The following EPB41 variants were observed in gnomAD, a reference collection of about 807,000 sequenced individuals.
The protein encoded by EPB41 is protein 4.1.
EPB41 carries 65 observed loss-of-function variants against 108.0 expected under a neutral mutation model. The ratio of observed to expected loss-of-function variants is 0.60; its 90% CI spans 0.49 to 0.74. EPB41 has a LOEUF of 0.74. Among genes scored for constraint, EPB41 ranks in the 30% least tolerant of loss-of-function variants. EPB41 has a pLI of 0.00. For missense variants in EPB41, 875 were observed against 1,037.0 expected, an observed-to-expected ratio of 0.84 and a Z score of 2.15; for synonymous variants, 336 against 358.9, an observed-to-expected ratio of 0.94 and a Z score of 0.72.
intron 1 of EPB41, among the ~76,000 whole-genome samples, chr1:28,923,779 A>G (rs907985963): frequency 3.3e-5 from 5 of 152,236 alleles, no homozygotes; most frequent in Non-Finnish European, 4.4e-5. Context: ...ATCATATTTA[A>G]ATAAATATAC....
chr1:28,971,812 A>G (rs1241369480), intron 1 of EPB41, among the ~76,000 whole-genome samples: 7 of 152,212 alleles, frequency 4.6e-5, no homozygotes, highest in African/African-American at 7.2e-5. Flanking sequence ...CGACTCAATT[A>G]TGGTCTATAG....
In EPB41 at chr1:29,115,187, G is replaced by T. The variant is rs1670493640; in HGVS notation, c.2497-512G>T. ...CCAGGTGGATCATTTGAGGTCAGGAGTTCGAGACCAGTCTGGCCAACATGG... is the reference window on the plus strand; with the variant it reads ...CCAGGTGGATCATTTGAGGTCAGGATTTCGAGACCAGTCTGGCCAACATGG... On this transcript the variant is annotated intron_variant, in intron 19 of 20. Transcript: ENST00000343067. This position sits in a 1 kb window ranked among gnomAD's most constrained non-coding sequence, Gnocchi z 4.4. 6.6e-6 allele frequency among the ~76,000 whole-genome samples: 1 copy of T among 152,188 alleles called. No homozygotes were observed. The highest frequency in any genetic ancestry group is 1.5e-5 in the Non-Finnish European group (1 of 68,048).
chr1:29,012,892 C>G (rs2096526829), intron 5 of EPB41, among the ~76,000 whole-genome samples: 1 of 152,098 alleles, frequency 6.6e-6, no homozygotes, highest in South Asian at 2.1e-4. Context: ...AACAAATATT[C>G]AGAATATTTG....
chr1:28,925,312 A>T (rs2093383561), intron 1 of EPB41, among the ~76,000 whole-genome samples: 1 of 151,384 alleles, frequency 6.6e-6, no homozygotes, highest in Non-Finnish European at 1.5e-5. Context: ...GGGTCTCCAT[A>T]TGTTGCCCAT....
intron 16 of EPB41, among the ~76,000 whole-genome samples, chr1:29,095,787 A>T (rs1361604672): frequency 6.6e-6 from 1 of 152,118 alleles, no homozygotes; most frequent in Non-Finnish European, 1.5e-5. Flanking sequence ...AAAAAAAAGA[A>T]TATATTTTGA....
chr1:29,079,979 AG>A (rs1156721998), intron 16 of EPB41, among the ~76,000 whole-genome samples: 2 of 152,068 alleles, frequency 1.3e-5, no homozygotes, highest in African/African-American at 4.8e-5. Context: ...CTGGGCGACA[AG>A]AGCAAAACTC....
At chr1:29,032,111 A>AG (rs1169091559) in intron 8 of EPB41, among the ~76,000 whole-genome samples, 18 of 151,836 alleles carry the variant, frequency 1.2e-4, no homozygotes, top group East Asian at 1.2e-3. Context: ...AAAAAAAAAA[A>AG]AAAAGAAAAA....
At chr1:29,036,019 A>G (rs991741042) in intron 10 of EPB41, 96 bp downstream of exon 10, 3 of 893,336 alleles carry the variant, frequency 3.4e-6, no homozygotes, top group Non-Finnish European at 3.6e-6. Context: ...TATGACTGGC[A>G]CTCTTTTATT....
At chr1:28,994,633 T>TTTATTTA (rs1553224687) in intron 3 of EPB41, among the ~76,000 whole-genome samples, 3 of 139,794 alleles carry the variant, frequency 2.1e-5, no homozygotes, top group South Asian at 4.7e-4. Flanking sequence ...GAACAAACTA[T>TTTATTTA]TTTATTTATT....
intron 1 of EPB41, among the ~76,000 whole-genome samples, chr1:28,961,872 G>A (rs529622225): frequency 6.6e-6 from 1 of 152,056 alleles, no homozygotes; most frequent in South Asian, 2.1e-4. Flanking sequence ...CTTTTGTGAG[G>A]AGAGCAAACT....
intron 11 of EPB41, 81 bp from the exon 12 acceptor site, chr1:29,053,023 C>A: frequency 6.8e-7 from 1 of 1,472,210 alleles, no homozygotes; most frequent in Non-Finnish European, 9.4e-7. Context: ...CCTGGATTCA[C>A]AATTATTTTG....
chr1:29,053,406 C>T, intron 12 of EPB41, 94 bp downstream of exon 12: 2 of 1,238,150 alleles, frequency 1.6e-6, no homozygotes, highest in African/African-American at 1.5e-5. Context: ...ATTGCTTATT[C>T]TCATAGACTC....
intron 1 of EPB41, among the ~76,000 whole-genome samples, chr1:28,963,294 A>G (rs897789254): frequency 4.6e-5 from 7 of 151,866 alleles, no homozygotes; most frequent in African/African-American, 1.7e-4. Flanking sequence ...ATGCCATTGG[A>G]TCTGGAAAGC....
intron 1 of EPB41, among the ~76,000 whole-genome samples, chr1:28,978,739 C>T (rs865955947): frequency 1.3e-5 from 2 of 151,398 alleles, no homozygotes; most frequent in East Asian, 1.9e-4. Flanking sequence ...AGAGAAGACA[C>T]GTGTCTCTGA....
At chr1:28,909,774 G>T (rs2147993407), upstream of EPB41, among the ~76,000 whole-genome samples, 1 of 152,110 alleles carries the variant, frequency 6.6e-6, no homozygotes, top group Non-Finnish European at 1.5e-5. Flanking sequence ...TCCAGCTTGG[G>T]TGACAGAGTG....
chr1:29,094,695 T>C (rs1221509250), intron 16 of EPB41, among the ~76,000 whole-genome samples: 1 of 152,220 alleles, frequency 6.6e-6, no homozygotes, highest in Admixed American at 6.5e-5. Context: ...AAATGACTAA[T>C]TCATTTCCTA....
intron 15 of EPB41, among the ~76,000 whole-genome samples, chr1:29,064,415 G>GTTT (rs1255020810): frequency 6.6e-6 from 1 of 152,112 alleles, no homozygotes; most frequent in Non-Finnish European, 1.5e-5. Flanking sequence ...GGCTATTCTT[G>GTTT]TTTTTTAAAA....
intron 1 of EPB41, among the ~76,000 whole-genome samples, chr1:28,986,984 G>A (rs758497502): frequency 2.0e-4 from 31 of 152,274 alleles, no homozygotes; most frequent in Non-Finnish European, 2.9e-4. Context: ...AAGACTGGGG[G>A]AACTTTTAAA....
At chr1:28,994,633 T>TTTTATTCA (rs2096118471) in intron 3 of EPB41, among the ~76,000 whole-genome samples, 1 of 139,794 alleles carries the variant, frequency 7.2e-6, no homozygotes, top group Admixed American at 7.3e-5. Context: ...GAACAAACTA[T>TTTTATTCA]TTTATTTATT....
Sources: allele counts gnomAD v4.1 joint callset (sites outside exome capture counted in the v4.1 genomes callset), GRCh38; gene constraint gnomAD v4.1.1; non-coding constraint Gnocchi (gnomAD v3.1); transcripts MANE v1.5; gene names NCBI Gene and HGNC (gene_info 2026-07-23, HGNC 2026-07-21).